Variants in ERI2 observed in about 807,000 individuals in gnomAD.
The protein encoded by ERI2 is ERI1 exoribonuclease 2.
In ERI2, 35 loss-of-function variants were observed where a neutral mutation model predicts 46.8. The ratio of observed to expected loss-of-function variants is 0.75; its 90% CI spans 0.57 to 0.99. ERI2 has a LOEUF of 0.99. ERI2 is among the 50% of genes least tolerant of loss of function. The pLI is 0.00. For missense variants in ERI2, 695 were observed against 796.2 expected (o/e 0.87, Z 1.53); for synonymous variants, 224 against 271.0 (o/e 0.83, Z 1.70).
Position 20,800,026 on chromosome 16 carries a change from T to A in ERI2, c.574A>T (p.Arg192Ter), listed in dbSNP as rs1201892824. The A allele has an allele frequency of 3.8e-6, 6 of 1,591,734 alleles. No homozygotes were observed. Among genetic ancestry groups the A allele is most frequent in the Non-Finnish European group, 5.2e-6 (6 of 1,164,896 alleles). ...LRATYKLFYR[R>*]KPKGLSGALQ... ...GCACCACTTAGTCCTTTTGGTTTTCTCCTATAGAAAAGCTAACCAATAAAA... is the reference window on the plus strand; with the variant it reads ...GCACCACTTAGTCCTTTTGGTTTTCACCTATAGAAAAGCTAACCAATAAAA... Residue 192 changes from arginine (R) to a stop codon, truncating the protein, a stop_gained, in exon 7 of 9, where the codon AGA becomes TGA. Transcript: ENST00000357967. LOFTEE classifies it high-confidence loss of function.
At chr16:20,780,879 G>C (rs747948727) in intron 10 of ERI2, 7 of 1,613,956 alleles carry the variant, frequency 4.3e-6, no homozygotes, top group Non-Finnish European at 5.1e-6. Flanking sequence ...CAAAAGTGCA[G>C]CTTGAAGTGT....
downstream of ERI2, among the ~76,000 whole-genome samples, chr16:20,792,976 T>C (rs553469891): frequency 1.3e-3 from 204 of 152,332 alleles, 1 homozygote; most frequent in African/African-American, 4.7e-3. Flanking sequence ...TTACAAGTTC[T>C]CACAAGTATT....
rs2080745292 is a variant in ERI2 at position 20,797,607 on chromosome 16, T to C, written c.*117A>G. ...TTACACTTGTGGTTCCTGAAGAAAGTATGGTAAATGCAGTAAACATTAATA... is the reference window on the plus strand; with the variant it reads ...TTACACTTGTGGTTCCTGAAGAAAGCATGGTAAATGCAGTAAACATTAATA... On this transcript the variant is annotated 3_prime_UTR_variant, in exon 9 of 9. Coordinates refer to ENST00000357967, the MANE Select transcript of ERI2 (RefSeq NM_001142725.2). The C allele has an allele frequency of 7.6e-7, 1 of 1,324,308 alleles. No individual in the cohort carries two copies. The highest frequency in any genetic ancestry group is 9.6e-7 in the Non-Finnish European group (1 of 1,039,238). The allele number at this position is 1,324,308 out of a possible 1,614,324, so 82.0% of individuals were successfully genotyped here.
chr16:20,800,028 C>G lies in ERI2; in HGVS notation c.572G>C (p.Arg191Thr). 6.3e-7 allele frequency: 1 copy of G among 1,586,650 alleles called. No individual in the cohort carries two copies. Among genetic ancestry groups the G allele is most frequent in the Non-Finnish European group, 8.6e-7 (1 of 1,160,804 alleles). ...ACCACTTAGTCCTTTTGGTTTTCTC[C>G]TATAGAAAAGCTAACCAATAAAAAA... ...DLRATYKLFY[R>T]RKPKGLSGAL... The change falls in exon 7 of 9, where the codon AGG (arginine) becomes ACG (threonine). Residue 191 changes from arginine to threonine, a missense_variant. Coordinates refer to ENST00000357967, the MANE Select transcript of ERI2 (RefSeq NM_001142725.2).
In ERI2 at chr16:20,798,548, G is replaced by A. The variant is rs1191681956; in HGVS notation, c.1252C>T (p.Gln418Ter). The A allele has an allele frequency of 1.3e-6, 2 of 1,551,592 alleles. No homozygotes were observed. Among genetic ancestry groups the A allele is most frequent in the Non-Finnish European group, 1.7e-6 (2 of 1,146,904 alleles). The change falls in exon 9 of 9, where the codon CAG becomes TAG. Residue 418 changes from glutamine (Q) to a stop codon, truncating the protein, a stop_gained. Coordinates refer to ENST00000357967, the MANE Select transcript of ERI2 (RefSeq NM_001142725.2). LOFTEE classifies it high-confidence loss of function. ...WEDVVLLPAS[Q>*]PEENVDCTVP... is the part of the protein sequence containing the mutation. ...GTACAGTCTACGTTTTCCTCAGGCT[G>A]AGATGCTGGCAGTAAAACCACATCC... is the stretch of plus-strand genomic sequence containing the variant.
At chr16:20,795,342 A>G (rs1160713970), downstream of ERI2, among the ~76,000 whole-genome samples, 4 of 152,204 alleles carry the variant, frequency 2.6e-5, no homozygotes, top group Non-Finnish European at 2.9e-5. Context: ...GGTAAAGACA[A>G]AAATGGGTAA....
At chr16:20,791,942 ATTCC>A, downstream of ERI2, 1 of 1,570,256 alleles carries the variant, frequency 6.4e-7, no homozygotes, top group Non-Finnish European at 8.6e-7. Context: ...AAAAAAAAAA[ATTCC>A]AATTGACCAG....
rs1467252956 is a variant in ERI2, at chr16:20,790,065, ATCC to A, written c.816-511_816-509del. ...GATGGTAAAATTTTTAAAAAATTTT[ATCC>A]TGCGTTCACATGTTGGTAACCTGTA... On this transcript the variant is annotated intron_variant, in intron 9 of 10. Transcript: ENST00000300005. The surrounding 1 kb of genome is among the most constrained non-coding windows in gnomAD (Gnocchi z 4.0). Among the ~76,000 whole-genome samples the A allele has an allele frequency of 6.6e-6, 1 of 152,226 alleles. No homozygotes were observed. Among genetic ancestry groups the A allele is most frequent in the African/African-American group, 2.4e-5 (1 of 41,454 alleles).
chr16:20,790,643 T>C lies in ERI2; in HGVS notation c.815+207A>G. The C allele has an allele frequency of 6.2e-7, 1 of 1,614,178 alleles. No homozygotes were observed. The highest frequency in any genetic ancestry group is 1.1e-5 in the South Asian group (1 of 91,088). On this transcript the variant is annotated intron_variant, in intron 9 of 10. Coordinates refer to the ERI2 transcript ENST00000300005. This position sits in a 1 kb window ranked among gnomAD's most constrained non-coding sequence, Gnocchi z 4.0. ...CTGGACAAGAAGGAGATATTGGCATTCAAGTTCTACCCAACCGACCATTTG... is the reference window on the plus strand; with the variant it reads ...CTGGACAAGAAGGAGATATTGGCATCCAAGTTCTACCCAACCGACCATTTG...
intron 10 of ERI2, chr16:20,789,381 T>C (rs971459254): frequency 1.2e-6 from 1 of 846,262 alleles, no homozygotes; most frequent in Non-Finnish European, 2.0e-6. Flanking sequence ...TTACTTAGCA[T>C]GTATTAAGTA....
chr16:20,803,551 G>C, intron 2 of ERI2, 35 bp from the exon 3 acceptor site: 1 of 1,613,926 alleles, frequency 6.2e-7, no homozygotes, highest in Non-Finnish European at 8.5e-7. Context: ...TGCTTTACCA[G>C]TGCTGAAAAT....
chr16:20,800,057 T>TA lies in ERI2; in HGVS notation c.562-20dup. Reference sequence around the variant, plus strand: ...AGAAAAGCTAACCAATAAAAAAAGATATATTTAAAAGAAGATTACTATTTT... The same window carrying TA: ...AGAAAAGCTAACCAATAAAAAAAGATAATATTTAAAAGAAGATTACTATTTT... On this transcript the variant is annotated intron_variant, in intron 6 of 8. Transcript: ENST00000357967. 6.9e-7 allele frequency: 1 copy of TA among 1,449,344 alleles called. No homozygotes were observed. The highest frequency in any genetic ancestry group is 9.6e-7 in the Non-Finnish European group (1 of 1,045,466). 89.8% of individuals were successfully genotyped at this position (1,449,344 alleles called of 1,614,324 possible).
intron 10 of ERI2, chr16:20,786,214 C>T (rs1394176429): frequency 1.3e-6 from 2 of 1,581,604 alleles, no homozygotes; most frequent in Non-Finnish European, 1.7e-6. Flanking sequence ...ACACTACCTA[C>T]CTACCGCTTA....
intron 10 of ERI2, chr16:20,780,990 A>C: frequency 6.2e-7 from 1 of 1,614,110 alleles, no homozygotes; most frequent in South Asian, 1.1e-5. Context: ...GCTAGATTTG[A>C]CACCCTCAGA....
intron 10 of ERI2, among the ~76,000 whole-genome samples, chr16:20,782,465 A>G (rs532774151): frequency 1.3e-5 from 2 of 152,070 alleles, no homozygotes; most frequent in South Asian, 4.2e-4. Flanking sequence ...TCATAACTCA[A>G]CTCCCAGCAA....
rs745752640 is a variant in ERI2 at position 20,801,248 on chromosome 16, G to A, written c.415C>T (p.Pro139Ser). Residue 139 changes from proline to serine, a missense_variant, in exon 5 of 9, where the codon CCT becomes TCT. Coordinates refer to ENST00000357967, the MANE Select transcript of ERI2 (RefSeq NM_001142725.2). ...CATAATTTTACTTCAGAAGCAGAAG[G>A]CTCTGAAATCCCAGTAGCAAAAATA... ...NIIFATGISE[P>S]SASEVKLCAF... is the part of the protein sequence containing the mutation. 14 of 1,612,254 alleles carry A rather than the reference G, an allele frequency of 8.7e-6. No homozygotes were observed. Among genetic ancestry groups the A allele is most frequent in the Non-Finnish European group, 1.2e-5 (14 of 1,179,206 alleles).
rs982340603 is a variant in ERI2, at chr16:20,781,612, A to G, written c.895-878T>C. On this transcript the variant is annotated intron_variant, in intron 10 of 10. Coordinates refer to the ERI2 transcript ENST00000300005. ...AAGGTAAGAATGTATTTACATTAACATAAACAATGTTTAAATTGTGCTGCG... is the reference window on the plus strand; with the variant it reads ...AAGGTAAGAATGTATTTACATTAACGTAAACAATGTTTAAATTGTGCTGCG... 2.2e-5 allele frequency: 21 copies of G among 935,432 alleles called. No individual in the cohort carries two copies. In the Admixed American group the frequency reaches 3.6e-4, roughly 16 times the overall value. The allele number at this position is 935,432 out of a possible 1,614,324, so 57.9% of individuals were successfully genotyped here.
At chr16:20,800,240 G>C (rs2080781830) in intron 6 of ERI2, 62 bp downstream of exon 6, 1 of 1,171,762 alleles carries the variant, frequency 8.5e-7, no homozygotes, top group African/African-American at 1.5e-5. Flanking sequence ...CCCATGTGTA[G>C]GATAAAAGTT....
downstream of ERI2, among the ~76,000 whole-genome samples, chr16:20,795,249 G>C (rs1013069920): frequency 1.7e-4 from 26 of 152,060 alleles, no homozygotes; most frequent in African/African-American, 6.3e-4. Context: ...TCGAACTCCT[G>C]GGCTCAAGCA....
Sources: gnomAD v4.1 joint callset for allele counts (sites outside exome capture counted in the v4.1 genomes callset) on GRCh38, gnomAD v4.1.1 for gene constraint, Gnocchi (gnomAD v3.1) non-coding constraint, MANE v1.5 for transcripts, NCBI Gene and HGNC (gene_info 2026-07-23, HGNC 2026-07-21) for gene names.